Variants in SAMD4A observed in about 807,000 individuals in gnomAD.
SAMD4A encodes protein Smaug homolog 1.
Under a neutral mutation model 81.3 loss-of-function variants are expected in SAMD4A, and 33 were observed. That is an observed-to-expected ratio of 0.41 (90% CI 0.31 to 0.54). SAMD4A has a LOEUF of 0.54. Among genes scored for constraint, SAMD4A ranks in the 20% least tolerant of loss-of-function variants. The pLI is 0.37. For missense variants in SAMD4A, 854 were observed against 951.1 expected, an observed-to-expected ratio of 0.90 and a Z score of 1.34; for synonymous variants, 389 against 382.1, an observed-to-expected ratio of 1.02 and a Z score of -0.21.
intron 10 of SAMD4A, 129 bp from the exon 11 acceptor site, chr14:54,776,285 G>A: frequency 1.1e-6 from 1 of 914,540 alleles, no homozygotes; most frequent in Non-Finnish European, 1.6e-6. Flanking sequence ...GCTAGCACTG[G>A]CCTGCAAGCC....
chr14:54,727,083 T>G (rs553004485), intron 3 of SAMD4A, among the ~76,000 whole-genome samples: 1 of 151,910 alleles, frequency 6.6e-6, no homozygotes, highest in African/African-American at 2.4e-5. Flanking sequence ...TGTATATTAT[T>G]GATTAATTAA....
chr14:54,643,940 T>G (rs2035228762), intron 2 of SAMD4A, among the ~76,000 whole-genome samples: 1 of 152,066 alleles, frequency 6.6e-6, no homozygotes, highest in South Asian at 2.1e-4. Flanking sequence ...AGAGAAGGGC[T>G]TCACACTGGG....
At chr14:54,777,880 C>T (rs990659183) in intron 11 of SAMD4A, among the ~76,000 whole-genome samples, 5 of 152,288 alleles carry the variant, frequency 3.3e-5, no homozygotes, top group Admixed American at 2.6e-4. Flanking sequence ...AATATAATTA[C>T]ACATATTTCT....
intron 2 of SAMD4A, among the ~76,000 whole-genome samples, chr14:54,643,157 A>G (rs1194421062): frequency 2.0e-5 from 3 of 152,266 alleles, no homozygotes; most frequent in Non-Finnish European, 4.4e-5. Context: ...CCTGGCTTCA[A>G]GCACGCCATC....
chr14:54,771,652 T>C (rs573955946), intron 9 of SAMD4A, among the ~76,000 whole-genome samples: 2 of 152,288 alleles, frequency 1.3e-5, no homozygotes, highest in South Asian at 4.1e-4. Context: ...CCTACCCCCA[T>C]CCCAAGTGGC....
At chr14:54,567,058 A>C (rs999825286), upstream of SAMD4A, 1 of 152,810 alleles carries the variant, frequency 6.5e-6, no homozygotes, top group African/African-American at 2.4e-5. Flanking sequence ...AGGAGGAGGA[A>C]GGAACTCGGG....
intron 2 of SAMD4A, among the ~76,000 whole-genome samples, chr14:54,616,240 G>A (rs542406112): frequency 1.2e-4 from 18 of 152,048 alleles, no homozygotes; most frequent in East Asian, 3.9e-4. Flanking sequence ...ACTATTCAGC[G>A]TTAACCCCAC....
At chr14:54,681,385 G>A (rs2036124108) in intron 2 of SAMD4A, among the ~76,000 whole-genome samples, 1 of 152,186 alleles carries the variant, frequency 6.6e-6, no homozygotes, top group South Asian at 2.1e-4. Context: ...GATTGTGTGT[G>A]TGTGTATTGA....
intron 2 of SAMD4A, among the ~76,000 whole-genome samples, chr14:54,680,541 A>C (rs2036102642): frequency 1.3e-5 from 2 of 152,242 alleles, no homozygotes; most frequent in Non-Finnish European, 2.9e-5. Context: ...GAAGTTACTT[A>C]AGTTTGGCCG....
chr14:54,616,579 C>T (rs2034497890), intron 2 of SAMD4A, among the ~76,000 whole-genome samples: 1 of 152,082 alleles, frequency 6.6e-6, no homozygotes, highest in Non-Finnish European at 1.5e-5. Flanking sequence ...CCACATAATC[C>T]CAAACAAATT....
At position 54,785,101 on chromosome 14, in the gene SAMD4A, C is replaced by T. The variant is rs77125831; in HGVS notation, c.2128+481C>T. Among the ~76,000 whole-genome samples, 193 of 152,368 alleles carry T rather than the reference C, an allele frequency of 1.3e-3. 2 individuals carry two copies. The highest frequency in any genetic ancestry group is 4.5e-3 in the African/African-American group (188 of 41,588). ...AATATAATTTTTGAAAAACAGAAAA[C>T]CCAGCTTGTTTGTGTATCTCCCAGT... On this transcript the variant is annotated intron_variant, in intron 12 of 12. Transcript: ENST00000554335.
chr14:54,568,126 GGCC>G lies in SAMD4A; in HGVS notation c.196+25_196+27del. 4.1e-6 allele frequency: 6 copies of G among 1,462,878 alleles called. No homozygotes were observed. Among genetic ancestry groups the G allele is most frequent in the African/African-American group, 1.5e-5 (1 of 67,826 alleles). 90.6% of individuals were successfully genotyped at this position (1,462,878 alleles called of 1,614,324 possible). A position where few individuals can be genotyped will look rare whatever the true frequency, so the allele number is the denominator to read the frequency against. On this transcript the variant is annotated intron_variant, in intron 2 of 12. Transcript: ENST00000554335. ...CCAACAGCCCCGGTAAGTGTGCGGCGGCCGCCGCCGCCGTCCCGCCTGCCCAAC... is the reference window on the plus strand; with the variant it reads ...CCAACAGCCCCGGTAAGTGTGCGGCGGCCGCCGCCGTCCCGCCTGCCCAAC...
intron 2 of SAMD4A, among the ~76,000 whole-genome samples, chr14:54,634,084 G>A (rs1277732348): frequency 2.6e-5 from 4 of 152,038 alleles, no homozygotes; most frequent in African/African-American, 9.7e-5. Context: ...TCAGGAGTTC[G>A]AGACCAGCCT....
At chr14:54,654,431 G>C (rs1389692759) in intron 2 of SAMD4A, among the ~76,000 whole-genome samples, 1 of 152,072 alleles carries the variant, frequency 6.6e-6, no homozygotes, top group Non-Finnish European at 1.5e-5. Context: ...TTGAGGTCAG[G>C]AAAAACCTAG....
At chr14:54,621,110 C>T (rs2140301105) in intron 2 of SAMD4A, among the ~76,000 whole-genome samples, 2 of 152,294 alleles carry the variant, frequency 1.3e-5, no homozygotes, top group Non-Finnish European at 2.9e-5. Context: ...GAAGGGCTGA[C>T]ATCTTAGGGC....
intron 2 of SAMD4A, chr14:54,693,584 G>C (rs535444301): frequency 6.6e-6 from 1 of 152,410 alleles, no homozygotes; most frequent in East Asian, 1.9e-4. Flanking sequence ...TTAGGATGTT[G>C]AGGTGGGAGG....
chr14:54,648,014 T>A (rs963269902), intron 2 of SAMD4A, among the ~76,000 whole-genome samples: 1 of 152,240 alleles, frequency 6.6e-6, no homozygotes, highest in African/African-American at 2.4e-5. Flanking sequence ...CATGTGGCCC[T>A]TGAGCACTTA....
At chr14:54,707,634 C>T (rs2036892003) in intron 3 of SAMD4A, among the ~76,000 whole-genome samples, 1 of 152,038 alleles carries the variant, frequency 6.6e-6, no homozygotes, top group African/African-American at 2.4e-5. Context: ...AGGGTAGGAT[C>T]AGGCCTATGT....
chr14:54,620,835 C>T (rs2034597737), intron 2 of SAMD4A, among the ~76,000 whole-genome samples: 1 of 152,214 alleles, frequency 6.6e-6, no homozygotes, highest in Admixed American at 6.5e-5. Context: ...TCATAGCTCA[C>T]TGTAAACTTG....
Sources: gnomAD v4.1 joint callset for allele counts (sites outside exome capture counted in the v4.1 genomes callset) on GRCh38, gnomAD v4.1.1 for gene constraint, MANE v1.5 for transcripts, NCBI Gene and HGNC (gene_info 2026-07-23, HGNC 2026-07-21) for gene names.